EXOC1: variants seen among roughly 807,000 people sequenced by gnomAD.
The protein encoded by EXOC1 is SEC3-like 1.
A neutral mutation model predicts 107.7 loss-of-function variants in EXOC1; 67 were observed. That is an observed-to-expected ratio of 0.62 (90% CI 0.51 to 0.76). EXOC1 has a LOEUF of 0.76. EXOC1 is among the 30% of genes least tolerant of loss of function. EXOC1 has a pLI of 0.00. For missense variants in EXOC1, 833 were observed against 1,055.7 expected (o/e 0.79, Z 2.92); for synonymous variants, 348 against 353.5 (o/e 0.98, Z 0.17).
intron 15 of EXOC1, among the ~76,000 whole-genome samples, chr4:55,894,614 C>CTTTTTTTTTTTTTTTTTTTTTTT (rs772700227): frequency 1.3e-5 from 1 of 76,116 alleles, no homozygotes; most frequent in African/African-American, 5.3e-5. Context: ...CTATCTGTTA[C>CTTTTTTTTTTTTTTTTTTTTTTT]TTTTTTTTTT....
chr4:55,886,532 A>C (rs1338176861), intron 10 of EXOC1, among the ~76,000 whole-genome samples: 3 of 151,618 alleles, frequency 2.0e-5, no homozygotes, highest in Non-Finnish European at 2.9e-5. Flanking sequence ...CAGCCTGGAC[A>C]ACAGAGCAAG....
At chr4:55,880,479 T>C (rs192262161) in intron 9 of EXOC1, among the ~76,000 whole-genome samples, 2 of 152,266 alleles carry the variant, frequency 1.3e-5, no homozygotes, top group Non-Finnish European at 2.9e-5. Context: ...TTTGGAGATA[T>C]CTTAAGGAAA....
chr4:55,903,181 A>C (rs111742783), intron 18 of EXOC1, among the ~76,000 whole-genome samples: 42 of 135,600 alleles, frequency 3.1e-4, no homozygotes, highest in African/African-American at 9.4e-4. Flanking sequence ...AAGAAAGAAA[A>C]AGAAAGAAAG....
intron 14 of EXOC1, 75 bp from the exon 15 acceptor site, chr4:55,893,477 C>T (rs1235320023): frequency 8.0e-7 from 1 of 1,254,350 alleles, no homozygotes; most frequent in African/African-American, 1.5e-5. Flanking sequence ...TGTATATACC[C>T]AGTGGATTAA....
chr4:55,893,768 T>C lies in EXOC1; in HGVS notation c.1941T>C (p.Phe647=). 6.2e-6 allele frequency: 10 copies of C among 1,612,418 alleles called. No individual in the cohort carries two copies. The highest frequency in any genetic ancestry group is 8.5e-6 in the Non-Finnish European group (10 of 1,179,460). ...GNVLVTVKRN[F]DKCISNQIRQ... ...TTTTGGTGACTGTCAAAAGGAACTT[T>C]GACAAATGCATTGTAAGTTTTCTTT... The change falls in exon 15 of 19, where the codon TTT becomes TTC. Residue 647 remains phenylalanine, a synonymous_variant. Transcript: ENST00000381295.
chr4:55,871,048 C>G, intron 6 of EXOC1, 53 bp from the exon 7 acceptor site: 2 of 1,597,532 alleles, frequency 1.3e-6, no homozygotes, highest in Non-Finnish European at 1.7e-6. Context: ...AGCATCTTGC[C>G]TGTAAATTTC....
At chr4:55,899,994 C>T (rs1725708718) in intron 17 of EXOC1, 110 bp downstream of exon 17, 6 of 841,600 alleles carry the variant, frequency 7.1e-6, no homozygotes, top group Non-Finnish European at 8.9e-6. Context: ...TGTTGGTGCA[C>T]AGGGGACTCA....
At chr4:55,867,427 T>C (rs2110328322) in intron 4 of EXOC1, among the ~76,000 whole-genome samples, 1 of 152,298 alleles carries the variant, frequency 6.6e-6, no homozygotes, top group Admixed American at 6.5e-5. Flanking sequence ...GTTTAAATCA[T>C]GCCCCATTAA....
intron 1 of EXOC1, among the ~76,000 whole-genome samples, chr4:55,854,559 C>T (rs1720782867): frequency 1.3e-5 from 2 of 152,236 alleles, no homozygotes; most frequent in Non-Finnish European, 2.9e-5. Flanking sequence ...CACCCGGCTT[C>T]AGGTCTTCAT....
chr4:55,870,445 G>C (rs1288375155), intron 5 of EXOC1, among the ~76,000 whole-genome samples: 1 of 152,172 alleles, frequency 6.6e-6, no homozygotes, highest in East Asian at 1.9e-4. Context: ...CTAAGGCATG[G>C]TCCCTAACAT....
chr4:55,888,831 A>G, intron 10 of EXOC1, 57 bp from the exon 11 acceptor site: 1 of 1,579,336 alleles, frequency 6.3e-7, no homozygotes, highest in Non-Finnish European at 8.7e-7. Context: ...GGTTTGTGCA[A>G]ATTGCAGTTT....
intron 9 of EXOC1, among the ~76,000 whole-genome samples, chr4:55,879,806 C>G (rs543918906): frequency 6.2e-4 from 94 of 152,192 alleles, no homozygotes; most frequent in African/African-American, 2.2e-3. Context: ...CTGAAATACT[C>G]TGAGAAACAT....
At position 55,877,959 on chromosome 4, in the gene EXOC1, C is replaced by A; in HGVS notation, c.1117C>A (p.Leu373Met). 6.2e-7 allele frequency: 1 copy of A among 1,613,846 alleles called. No individual in the cohort carries two copies. The highest frequency in any genetic ancestry group is 1.1e-5 in the South Asian group (1 of 91,068). The change falls in exon 9 of 19, where the codon CTG (leucine) becomes ATG (methionine). Residue 373 changes from leucine to methionine, a missense_variant. Transcript: ENST00000381295. ...SSTLAQHSVE[L>M]TLPNHHPFHR... ...GACTCTTGCCCAACACTCTGTTGAA[C>A]TGACTTTACCCAATCATCATCCATT...
rs115628925 is a variant in EXOC1, at chr4:55,904,884, T to A, written c.*389T>A. On this transcript the variant is annotated 3_prime_UTR_variant, in exon 19 of 19. Transcript: ENST00000381295. ...GCTAATCATGTAACTACTAAAATAC[T>A]GTACAAAATTGTTTTTTCACACTAA... 7.6e-3 allele frequency: 1,193 copies of A among 156,646 alleles called. 7 individuals carry two copies. The highest frequency in any genetic ancestry group is 0.027 in the African/African-American group (1,117 of 41,762). The allele number at this position is 156,646 out of a possible 1,614,324, so 9.7% of individuals were successfully genotyped here.
Position 55,904,875 on chromosome 4 carries a change from C to T in EXOC1, c.*380C>T, listed in dbSNP as rs988849218. ...CTGTTGCTTGCTAATCATGTAACTACTAAAATACTGTACAAAATTGTTTTT... is the reference window on the plus strand; with the variant it reads ...CTGTTGCTTGCTAATCATGTAACTATTAAAATACTGTACAAAATTGTTTTT... On this transcript the variant is annotated 3_prime_UTR_variant, in exon 19 of 19. Transcript: ENST00000381295. 1 of 159,168 alleles carries T rather than the reference C, an allele frequency of 6.3e-6. No individual in the cohort carries two copies. Among genetic ancestry groups the T allele is most frequent in the African/African-American group, 2.4e-5 (1 of 41,728 alleles). 9.9% of individuals were successfully genotyped at this position (159,168 alleles called of 1,614,324 possible). A position where few individuals can be genotyped will look rare whatever the true frequency, so the allele number is the denominator to read the frequency against.
Position 55,868,330 on chromosome 4 carries a change from T to G in EXOC1, c.416-6T>G. 3 of 1,603,762 alleles carry G rather than the reference T, an allele frequency of 1.9e-6. No homozygotes were observed. Among genetic ancestry groups the G allele is most frequent in the Non-Finnish European group, 2.6e-6 (3 of 1,173,994 alleles). On this transcript the variant is annotated splice_polypyrimidine_tract_variant and splice_region_variant and intron_variant, in intron 4 of 18. Coordinates refer to ENST00000381295, the MANE Select transcript of EXOC1 (RefSeq NM_001024924.2). ...CTATTTTACTTTGAATTTTTACCTC[T>G]TTAAGAATCTGTTCCAAGTGGAGAA...
rs911404581 is a variant in EXOC1, at chr4:55,875,474, C to G, written c.1075-2443C>G. 3.7e-5 allele frequency: 36 copies of G among 981,320 alleles called. No individual in the cohort carries two copies. The Admixed American group carries it at 2.2e-3, about 59-fold the overall frequency. 60.8% of individuals were successfully genotyped at this position (981,320 alleles called of 1,614,324 possible). ...ATGTATCATTTCTTTAAAAAAGTCA[C>G]TATAGCAAAGTGCTTAAGAGTGCAG... On this transcript the variant is annotated intron_variant, in intron 8 of 18. Transcript: ENST00000381295.
chr4:55,890,502 C>A, intron 12 of EXOC1, 116 bp downstream of exon 12: 1 of 629,464 alleles, frequency 1.6e-6, no homozygotes, highest in Non-Finnish European at 2.5e-6. Flanking sequence ...TAAGCATTAA[C>A]CATGTCTTTC....
chr4:55,853,766 C>T lies in EXOC1; in HGVS notation c.-198C>T, dbSNP rs1250912757. The T allele has an allele frequency of 1.3e-5, 2 of 152,306 alleles. No individual in the cohort carries two copies. Among genetic ancestry groups the T allele is most frequent in the African/African-American group, 2.4e-5 (1 of 41,468 alleles). The allele number at this position is 152,306 out of a possible 1,614,324, so 9.4% of individuals were successfully genotyped here. A position where few individuals can be genotyped will look rare whatever the true frequency, so the allele number is the denominator to read the frequency against. Reference sequence around the variant, plus strand: ...CCGGTCTCCGTTTTGGAAGACCCGCCTCGGCACAGCCAGGCTCAGTCCGGC... The same window carrying T: ...CCGGTCTCCGTTTTGGAAGACCCGCTTCGGCACAGCCAGGCTCAGTCCGGC... On this transcript the variant is annotated 5_prime_UTR_variant, in exon 1 of 19. Transcript: ENST00000381295.
Sources: gnomAD v4.1 joint callset for allele counts (sites outside exome capture counted in the v4.1 genomes callset) on GRCh38, gnomAD v4.1.1 for gene constraint, MANE v1.5 for transcripts, NCBI Gene and HGNC (gene_info 2026-07-23, HGNC 2026-07-21) for gene names.